The following SPATA9 variants were observed in gnomAD, a reference collection of about 807,000 sequenced individuals.
The protein encoded by SPATA9 is spermatogenesis-associated protein 9.
In SPATA9, 27 loss-of-function variants were observed where a neutral mutation model predicts 25.5. The ratio of observed to expected loss-of-function variants is 1.06; its 90% confidence interval spans 0.78 to 1.46. The LOEUF (loss-of-function observed/expected upper bound fraction) is 1.46, where lower values mean the gene tolerates loss of function less well. Among genes scored for constraint, SPATA9 ranks in the 40% most tolerant of loss-of-function variants. SPATA9 has a pLI of 0.00. For synonymous variants in SPATA9, 102 were observed against 105.7 expected (o/e 0.97, Z 0.21); for missense variants, 282 against 297.5 (o/e 0.95, Z 0.38).
rs1157736707 is a variant in SPATA9 at position 95,658,575 on chromosome 5, G to A, written c.*48C>T. On this transcript the variant is annotated 3_prime_UTR_variant, in exon 5 of 5. Transcript: ENST00000274432. ...GACTCTGAGTTTTGTCAGATGAAAT[G>A]TGCCATTAAATAGATAACTCTTAAG... The A allele has an allele frequency of 1.3e-6, 2 of 1,545,040 alleles. No homozygotes were observed. Among genetic ancestry groups the A allele is most frequent in the East Asian group, 2.3e-5 (1 of 44,212 alleles).
chr5:95,686,342 A>G (rs145660471), upstream of SPATA9, among the ~76,000 whole-genome samples: 309 of 152,332 alleles, frequency 2.0e-3, 1 homozygote, highest in African/African-American at 6.7e-3. Flanking sequence ...ACAAAAAATT[A>G]TGTAAAACAA....
the SPATA9 span, chr5:95,731,522 C>T: frequency 2.3e-6 from 3 of 1,297,968 alleles, no homozygotes; most frequent in African/African-American, 1.6e-5. Flanking sequence ...GCTGGCGCGG[C>T]CCCGGCCCCG....
upstream of SPATA9, among the ~76,000 whole-genome samples, chr5:95,698,938 TA>T (rs1055713053): frequency 6.6e-6 from 1 of 152,124 alleles, no homozygotes; most frequent in Non-Finnish European, 1.5e-5. Context: ...AACATAACTA[TA>T]AAATCTCCCT....
At chr5:95,678,751 A>C (rs963832466) in intron 2 of SPATA9, among the ~76,000 whole-genome samples, 2 of 152,220 alleles carry the variant, frequency 1.3e-5, no homozygotes, top group African/African-American at 4.8e-5. Context: ...CCGCACTTAC[A>C]ATCTAACCTT....
chr5:95,723,336 C>T, the SPATA9 span, among the ~76,000 whole-genome samples: 1 of 152,242 alleles, frequency 6.6e-6, no homozygotes, highest in Non-Finnish European at 1.5e-5. Flanking sequence ...ACTTGGACTT[C>T]TGCAAACACA....
chr5:95,683,491 A>G (rs572650202), upstream of SPATA9, among the ~76,000 whole-genome samples: 1 of 152,144 alleles, frequency 6.6e-6, no homozygotes, highest in Non-Finnish European at 1.5e-5. Context: ...AGAACTTGAT[A>G]CCATGCAGAC....
chr5:95,655,345 A>G (rs1338049598), downstream of SPATA9: 1 of 152,190 alleles, frequency 6.6e-6, no homozygotes, highest in Non-Finnish European at 1.5e-5. Context: ...GTGAGCTGAT[A>G]ATAGTTCCAT....
chr5:95,661,952 TAAAG>T lies in SPATA9; in HGVS notation c.474+1997_474+2000del, dbSNP rs541057977. ...AAACATAAAAATGATTAAAAGAAAT[TAAAG>T]AATATCAAAATAAGTAGAAGGATAT... On this transcript the variant is annotated intron_variant, in intron 4 of 4. Transcript: ENST00000274432. Among the ~76,000 whole-genome samples the T allele has an allele frequency of 2.4e-4, 36 of 152,136 alleles. No individual in the cohort carries two copies. The East Asian group carries it at 2.9e-3, about 12-fold the overall frequency.
chr5:95,703,839 A>AC, the SPATA9 span, among the ~76,000 whole-genome samples: 106,929 of 151,986 alleles, frequency 0.7, 38,592 homozygotes, highest in East Asian at 0.97. Flanking sequence ...GCATTAAATC[A>AC]TCAATTATTC....
chr5:95,709,941 G>A, the SPATA9 span, among the ~76,000 whole-genome samples: 1 of 152,172 alleles, frequency 6.6e-6, no homozygotes, highest in East Asian at 1.9e-4. Flanking sequence ...CTTTCCTGCT[G>A]AGGTGAGTAG....
upstream of SPATA9, among the ~76,000 whole-genome samples, chr5:95,686,107 G>C (rs772921457): frequency 6.6e-6 from 1 of 152,094 alleles, no homozygotes; most frequent in Non-Finnish European, 1.5e-5. Context: ...CAAAGTGCTG[G>C]TATTACAGAC....
At chr5:95,654,019 A>G, downstream of SPATA9, 1 of 1,562,824 alleles carries the variant, frequency 6.4e-7, no homozygotes, top group Non-Finnish European at 8.7e-7. Flanking sequence ...GAACCAAATT[A>G]GTGAATACTT....
downstream of SPATA9, chr5:95,656,218 A>G (rs1750751213): frequency 6.2e-7 from 1 of 1,613,846 alleles, no homozygotes; most frequent in Admixed American, 1.7e-5. Flanking sequence ...GACAACGGAA[A>G]TATTTATGTG....
the SPATA9 span, among the ~76,000 whole-genome samples, chr5:95,709,601 C>G: frequency 1.3e-5 from 2 of 152,108 alleles, no homozygotes; most frequent in Non-Finnish European, 2.9e-5. Flanking sequence ...TTATCAGACC[C>G]TATGGCAGCA....
chr5:95,717,440 TTTACA>T, the SPATA9 span: 16 of 152,318 alleles, frequency 1.1e-4, no homozygotes, highest in Non-Finnish European at 2.4e-4. Flanking sequence ...CACGTATCTA[TTTACA>T]TTATATACAT....
At chr5:95,695,775 A>AT (rs1561421205) in intron 1 of SPATA9, among the ~76,000 whole-genome samples, 1 of 152,198 alleles carries the variant, frequency 6.6e-6, no homozygotes, top group East Asian at 1.9e-4. Context: ...TAGCCCAGTG[A>AT]TCCCTGCCTC....
intron 3 of SPATA9, among the ~76,000 whole-genome samples, chr5:95,670,706 CTCTG>C (rs1752293509): frequency 6.6e-6 from 1 of 152,200 alleles, no homozygotes; most frequent in Non-Finnish European, 1.5e-5. Flanking sequence ...GTAAGCTGAA[CTCTG>C]TCTGATGCGG....
intron 4 of SPATA9, chr5:95,659,457 G>A (rs576456640): frequency 6.6e-6 from 1 of 152,234 alleles, no homozygotes; most frequent in East Asian, 1.9e-4. Context: ...ATAAAACAGA[G>A]AAAAATAACT....
At chr5:95,731,723 G>T in the SPATA9 span, 2 of 1,612,964 alleles carry the variant, frequency 1.2e-6, no homozygotes, top group East Asian at 4.5e-5. Context: ...TCTCTCTCCA[G>T]CGCGTGCCGT....
Sources: gnomAD v4.1 joint callset for allele counts (sites outside exome capture counted in the v4.1 genomes callset) on GRCh38, gnomAD v4.1.1 for gene constraint, MANE v1.5 for transcripts, NCBI Gene and HGNC (gene_info 2026-07-23, HGNC 2026-07-21) for gene names.